Variants in ALDH1A3 observed in about 807,000 individuals in gnomAD.
ALDH1A3 encodes aldehyde dehydrogenase 1 family member A3, also known as retinaldehyde dehydrogenase 3.
Under a neutral mutation model 57.5 loss-of-function variants are expected in ALDH1A3, and 28 were observed. The observed-to-expected ratio is 0.49, with a 90% confidence interval of 0.36 to 0.67. The LOEUF (loss-of-function observed/expected upper bound fraction) is 0.67, where lower values mean the gene tolerates loss of function less well. Ranked by LOEUF, ALDH1A3 falls within the 30% of genes least tolerant of loss-of-function variation. The pLI, the probability that ALDH1A3 is intolerant of heterozygous loss-of-function variation, is 0.00. For synonymous variants in ALDH1A3, 281 were observed against 264.8 expected (o/e 1.06, Z -0.59); for missense variants, 507 against 669.4 (o/e 0.76, Z 2.68).
Position 100,889,853 on chromosome 15 carries a change from G to A in ALDH1A3, c.345+2141G>A, listed in dbSNP as rs941652763. 1.3e-5 allele frequency among the ~76,000 whole-genome samples: 2 copies of A among 152,210 alleles called. No homozygotes were observed. The highest frequency in any genetic ancestry group is 4.8e-5 in the African/African-American group (2 of 41,452). ...CAGCTCTTTGCCACAACATGAAAGG[G>A]ACAAGAGAATTACTGGCAAACACGG... On this transcript the variant is annotated intron_variant, in intron 3 of 12. Transcript: ENST00000329841. The surrounding 1 kb of genome is among the most constrained non-coding windows in gnomAD (Gnocchi z 5.1).
In ALDH1A3 at chr15:100,879,979, C is replaced by A. The variant is rs1385585676; in HGVS notation, c.72C>A (p.Ile24=). 6.8e-7 allele frequency: 1 copy of A among 1,475,880 alleles called. No homozygotes were observed. The highest frequency in any genetic ancestry group is 1.3e-5 in the South Asian group (1 of 77,302). 91.4% of individuals were successfully genotyped at this position (1,475,880 alleles called of 1,614,324 possible). A position where few individuals can be genotyped will look rare whatever the true frequency, so the allele number is the denominator to read the frequency against. ...DRKPPALPRP[I]RNLEVKFTKI... is the part of the protein sequence containing the mutation. ...AGCCGCCGGCCCTGCCGCGCCCCAT[C>A]CGCAACCTGGAGGTCAAGTTCACCA... Residue 24 remains isoleucine (I), a synonymous_variant, in exon 1 of 13, where the codon ATC becomes ATA. Transcript: ENST00000329841.
At position 100,889,507 on chromosome 15, in the gene ALDH1A3, G is replaced by A. The variant is rs751889673; in HGVS notation, c.345+1795G>A. ...GTTTCTTCCTGCAACGTAAGCCAGC[G>A]TCAACCCTCAAGCTGCCAAACTGGC... On this transcript the variant is annotated intron_variant, in intron 3 of 12. Transcript: ENST00000329841. This position sits in a 1 kb window ranked among gnomAD's most constrained non-coding sequence, Gnocchi z 5.1. Among the ~76,000 whole-genome samples, 14 of 152,138 alleles carry A rather than the reference G, an allele frequency of 9.2e-5. No individual in the cohort carries two copies. The highest frequency in any genetic ancestry group is 2.0e-4 in the Admixed American group (3 of 15,278).
Position 100,893,275 on chromosome 15 carries a change from G to T in ALDH1A3, c.537+269G>T, listed in dbSNP as rs2041669649. ...GAATGGCCAGCATTCCCAGGAAGGT[G>T]GTCTCTTAGCTGGGCCTTAAAGATA... is the stretch of plus-strand genomic sequence containing the variant. On this transcript the variant is annotated intron_variant, in intron 5 of 12. Coordinates refer to ENST00000329841, the MANE Select transcript of ALDH1A3 (RefSeq NM_000693.4). This position sits in a 1 kb window ranked among gnomAD's most constrained non-coding sequence, Gnocchi z 4.8. The T allele has an allele frequency of 1.1e-5, 4 of 379,262 alleles. No individual in the cohort carries two copies. The East Asian group carries it at 1.2e-4, about 11-fold the overall frequency. 23.5% of individuals were successfully genotyped at this position (379,262 alleles called of 1,614,324 possible).
At chr15:100,911,319 G>A (rs1256921565) in intron 12 of ALDH1A3, among the ~76,000 whole-genome samples, 1 of 152,202 alleles carries the variant, frequency 6.6e-6, no homozygotes. Flanking sequence ...GCCCCTCCGG[G>A]AGCTGTTTCT....
intron 8 of ALDH1A3, among the ~76,000 whole-genome samples, chr15:100,899,684 C>T (rs1386406825): frequency 2.5e-4 from 38 of 152,164 alleles, no homozygotes. Flanking sequence ...CAGCCAGCTG[C>T]AGGGGTCAAG....
chr15:100,895,812 A>G (rs2041696578), intron 6 of ALDH1A3, 121 bp from the exon 7 acceptor site: 1 of 855,462 alleles, frequency 1.2e-6, no homozygotes, highest in Non-Finnish European at 1.9e-6. Flanking sequence ...TCCTGGGTAA[A>G]TCCAGCCCGG....
intron 7 of ALDH1A3, among the ~76,000 whole-genome samples, chr15:100,897,654 C>G (rs2041720909): frequency 6.6e-6 from 1 of 152,280 alleles, no homozygotes; most frequent in South Asian, 2.1e-4. Flanking sequence ...CACAGAACCA[C>G]CCCCCTACTG....
intron 3 of ALDH1A3, among the ~76,000 whole-genome samples, chr15:100,891,544 C>T (rs552689096): frequency 1.2e-3 from 182 of 152,354 alleles, no homozygotes; most frequent in African/African-American, 4.1e-3. Context: ...CGTTAGCGTC[C>T]GTGCCTGCAC....
At position 100,898,197 on chromosome 15, in the gene ALDH1A3, C is replaced by T; in HGVS notation, c.883+12C>T. 2 of 1,610,988 alleles carry T rather than the reference C, an allele frequency of 1.2e-6. No homozygotes were observed. The highest frequency in any genetic ancestry group is 1.1e-5 in the South Asian group (1 of 90,698). ...TGCGGACGCTGACTGTGAGTCTCTG[C>T]CCTCCTGGGCTTTGCTGGGGCTTCA... is the stretch of plus-strand genomic sequence containing the variant. On this transcript the variant is annotated intron_variant, in intron 8 of 12. Coordinates refer to ENST00000329841, the MANE Select transcript of ALDH1A3 (RefSeq NM_000693.4).
At chr15:100,886,239 CAGTT>C (rs1258759272) in intron 2 of ALDH1A3, among the ~76,000 whole-genome samples, 3 of 152,188 alleles carry the variant, frequency 2.0e-5, no homozygotes, top group Non-Finnish European at 4.4e-5. Flanking sequence ...CACCTCATGA[CAGTT>C]AGGCTCTGCT....
intron 7 of ALDH1A3, 98 bp from the exon 8 acceptor site, chr15:100,897,985 C>T (rs549227708): frequency 8.6e-7 from 1 of 1,163,838 alleles, no homozygotes; most frequent in East Asian, 2.4e-5. Context: ...GGTGGTGGCA[C>T]TGCCACCCGG....
At position 100,887,560 on chromosome 15, in the gene ALDH1A3, C is replaced by G; in HGVS notation, c.205-12C>G. On this transcript the variant is annotated splice_polypyrimidine_tract_variant and intron_variant, in intron 2 of 12. Coordinates refer to ENST00000329841, the MANE Select transcript of ALDH1A3 (RefSeq NM_000693.4). The surrounding 1 kb of genome is among the most constrained non-coding windows in gnomAD (Gnocchi z 4.6). ...AAGATGACAGTCTCTCTCTGTTGTTCTGGTCGCTCAGCCCGACGTGGACAA... is the reference window on the plus strand; with the variant it reads ...AAGATGACAGTCTCTCTCTGTTGTTGTGGTCGCTCAGCCCGACGTGGACAA... 2 of 1,572,028 alleles carry G rather than the reference C, an allele frequency of 1.3e-6. No homozygotes were observed. Among genetic ancestry groups the G allele is most frequent in the Non-Finnish European group, 1.7e-6 (2 of 1,156,770 alleles).
At chr15:100,886,328 G>C (rs747129183) in intron 2 of ALDH1A3, among the ~76,000 whole-genome samples, 2 of 152,236 alleles carry the variant, frequency 1.3e-5, no homozygotes, top group African/African-American at 4.8e-5. Context: ...ATGGAATGGG[G>C]TTTCCACTAG....
At position 100,893,841 on chromosome 15, in the gene ALDH1A3, AC is replaced by A; in HGVS notation, c.538-109del. 6.9e-7 allele frequency: 1 copy of A among 1,448,804 alleles called. No individual in the cohort carries two copies. The highest frequency in any genetic ancestry group is 9.3e-7 in the Non-Finnish European group (1 of 1,076,766). The allele number at this position is 1,448,804 out of a possible 1,614,324, so 89.7% of individuals were successfully genotyped here. A position where few individuals can be genotyped will look rare whatever the true frequency, so the allele number is the denominator to read the frequency against. ...TGCACACTCCTATGTTACCCCACAT[AC>A]CCCAAATCCAGACCATGAAAAGCAA... On this transcript the variant is annotated intron_variant, in intron 5 of 12. Coordinates refer to ENST00000329841, the MANE Select transcript of ALDH1A3 (RefSeq NM_000693.4). The surrounding 1 kb of genome is among the most constrained non-coding windows in gnomAD (Gnocchi z 4.8).
At position 100,894,325 on chromosome 15, in the gene ALDH1A3, C is replaced by G; in HGVS notation, c.666+243C>G. 1 of 445,326 alleles carries G rather than the reference C, an allele frequency of 2.2e-6. No homozygotes were observed. The highest frequency in any genetic ancestry group is 4.0e-6 in the Non-Finnish European group (1 of 249,628). The allele number at this position is 445,326 out of a possible 1,614,324, so 27.6% of individuals were successfully genotyped here. ...GCTTAACTCTTATTATGGGCTCAAA[C>G]CTATGGTTGAGGACCCAGTGGTTTG... On this transcript the variant is annotated intron_variant, in intron 6 of 12. Transcript: ENST00000329841. The surrounding 1 kb of genome is among the most constrained non-coding windows in gnomAD (Gnocchi z 4.5).
chr15:100,886,732 AG>A (rs2041597963), intron 2 of ALDH1A3, among the ~76,000 whole-genome samples: 1 of 152,230 alleles, frequency 6.6e-6, no homozygotes, highest in South Asian at 2.1e-4. Context: ...CCTTTTAGAA[AG>A]AAGGTTCCGT....
At chr15:100,890,520 T>C (rs901752912) in intron 3 of ALDH1A3, among the ~76,000 whole-genome samples, 1 of 152,190 alleles carries the variant, frequency 6.6e-6, no homozygotes, top group Non-Finnish European at 1.5e-5. Context: ...GCAAACTTGC[T>C]GAAGTTGACA....
intron 12 of ALDH1A3, among the ~76,000 whole-genome samples, chr15:100,908,804 C>G (rs1454993320): frequency 6.6e-6 from 1 of 152,206 alleles, no homozygotes; most frequent in Non-Finnish European, 1.5e-5. Flanking sequence ...AAAAAGTGTA[C>G]TTTTGCCAGA....
intron 1 of ALDH1A3, among the ~76,000 whole-genome samples, chr15:100,884,204 C>T (rs2041572449): frequency 1.3e-5 from 2 of 152,234 alleles, no homozygotes; most frequent in African/African-American, 2.4e-5. Context: ...TCCGTGCTGT[C>T]GGAATGTGTT....
Sources: allele counts gnomAD v4.1 joint callset (sites outside exome capture counted in the v4.1 genomes callset), GRCh38; gene constraint gnomAD v4.1.1; non-coding constraint Gnocchi (gnomAD v3.1); transcripts MANE v1.5; gene names NCBI Gene and HGNC (gene_info 2026-07-23, HGNC 2026-07-21).